Variants in DCC observed in about 807,000 individuals in gnomAD.
DCC encodes the protein netrin receptor DCC.
Under a neutral mutation model 172.5 loss-of-function variants are expected in DCC, and 58 were observed. That is an observed-to-expected ratio of 0.34 (90% CI 0.27 to 0.42). DCC has a LOEUF of 0.42. Ranked by LOEUF, DCC falls within the 10% of genes least tolerant of loss-of-function variation. DCC has a pLI of 1.00. For synonymous variants in DCC, 709 were observed against 644.5 expected (o/e 1.10, Z -1.52); for missense variants, 1,740 against 1,791.0 (o/e 0.97, Z 0.51).
chr18:53,226,948 AT>A (rs397976119), intron 12 of DCC, among the ~76,000 whole-genome samples: 7,302 of 52,928 alleles, frequency 0.14, 510 homozygotes, highest in East Asian at 0.18. Context: ...ATATATATAT[AT>A]TTTTTTTTTT....
intron 1 of DCC, among the ~76,000 whole-genome samples, chr18:52,410,881 G>A (rs3862684): frequency 0.15 from 22,470 of 152,090 alleles, 1,757 homozygotes; most frequent in South Asian, 0.23. Context: ...CCTTGGAGAA[G>A]GAATACAGTG....
chr18:53,530,354 T>A (rs1173243045), intron 28 of DCC: 15 of 703,208 alleles, frequency 2.1e-5, no homozygotes, highest in African/African-American at 8.7e-5. Context: ...CAGGTGGAGA[T>A]GGAGTGGGTG....
intron 18 of DCC, among the ~76,000 whole-genome samples, chr18:53,398,742 C>T (rs1362117919): frequency 1.3e-5 from 2 of 152,032 alleles, no homozygotes; most frequent in Admixed American, 6.6e-5. Context: ...TCTCATCAAC[C>T]GCCTAGCCTT....
intron 1 of DCC, among the ~76,000 whole-genome samples, chr18:52,421,751 C>A (rs2144436352): frequency 6.6e-6 from 1 of 152,244 alleles, no homozygotes; most frequent in East Asian, 1.9e-4. Flanking sequence ...TGCCAAGAAC[C>A]AGAGAGAGAG....
chr18:52,830,936 A>C (rs727515), intron 2 of DCC, among the ~76,000 whole-genome samples: 2 of 151,918 alleles, frequency 1.3e-5, no homozygotes, highest in Non-Finnish European at 2.9e-5. Flanking sequence ...GCAATAAACA[A>C]TTGATAGAGT....
chr18:52,637,435 G>A (rs1286405020), intron 1 of DCC, among the ~76,000 whole-genome samples: 2 of 151,874 alleles, frequency 1.3e-5, no homozygotes, highest in African/African-American at 2.4e-5. Flanking sequence ...AGTGAAGGGA[G>A]AAATATTCAA....
At chr18:53,439,285 G>A (rs576844093) in intron 22 of DCC, among the ~76,000 whole-genome samples, 1 of 152,206 alleles carries the variant, frequency 6.6e-6, no homozygotes, top group Non-Finnish European at 1.5e-5. Flanking sequence ...GCTTTAAAAG[G>A]GGGGTATGTT....
intron 1 of DCC, among the ~76,000 whole-genome samples, chr18:52,637,453 G>C (rs2034803449): frequency 6.6e-6 from 1 of 152,012 alleles, no homozygotes; most frequent in Non-Finnish European, 1.5e-5. Context: ...CAAGGAAATA[G>C]ATAGCCTAAA....
chr18:52,714,001 T>C (rs545886732), intron 1 of DCC, among the ~76,000 whole-genome samples: 2 of 152,366 alleles, frequency 1.3e-5, no homozygotes, highest in East Asian at 1.9e-4. Context: ...TGGGGACTTA[T>C]AGTCTATTTA....
intron 1 of DCC, among the ~76,000 whole-genome samples, chr18:52,475,838 C>G (rs1297312048): frequency 6.6e-6 from 1 of 152,060 alleles, no homozygotes; most frequent in African/African-American, 2.4e-5. Flanking sequence ...TTGCTATTAC[C>G]CCAGAAACTC....
intron 5 of DCC, among the ~76,000 whole-genome samples, chr18:52,939,995 A>G (rs11874287): frequency 0.021 from 3,214 of 152,250 alleles, 59 homozygotes; most frequent in Admixed American, 0.037. Context: ...GACATCATCC[A>G]TGAGCCTCTT....
At position 52,868,051 on chromosome 18, in the gene DCC, ATATGTGTG is replaced by A. The variant is rs1261306879; in HGVS notation, c.413-37991_413-37984del. ...TATGTGTGTATATATATATATATAT[ATATGTGTG>A]TGTGTGTGTGTGTGTGTGTATATAT... On this transcript the variant is annotated intron_variant, in intron 2 of 28. Transcript: ENST00000442544. Among the ~76,000 whole-genome samples, 224 of 98,856 alleles carry A rather than the reference ATATGTGTG, an allele frequency of 2.3e-3. 2 individuals are homozygous for A. Among genetic ancestry groups the A allele is most frequent in the Non-Finnish European group, 3.5e-3 (145 of 41,380 alleles). 64.9% of individuals were successfully genotyped at this position (98,856 alleles called of 152,430 possible).
intron 1 of DCC, among the ~76,000 whole-genome samples, chr18:52,585,559 A>C (rs1287004008): frequency 2.0e-5 from 3 of 152,200 alleles, no homozygotes; most frequent in African/African-American, 7.2e-5. Flanking sequence ...AGTCAGGAAA[A>C]GGTTGACCAA....
chr18:53,141,299 G>A (rs778386892), intron 7 of DCC, among the ~76,000 whole-genome samples: 1 of 152,062 alleles, frequency 6.6e-6, no homozygotes, highest in Non-Finnish European at 1.5e-5. Context: ...TGTATGAGTG[G>A]GTATCCTCCA....
intron 1 of DCC, among the ~76,000 whole-genome samples, chr18:52,395,929 C>T (rs1050209973): frequency 6.6e-6 from 1 of 152,018 alleles, no homozygotes; most frequent in Non-Finnish European, 1.5e-5. Flanking sequence ...GGTAAGATTT[C>T]TAAACCTTTC....
At chr18:53,226,171 T>C (rs988434523) in intron 12 of DCC, among the ~76,000 whole-genome samples, 6 of 152,004 alleles carry the variant, frequency 3.9e-5, no homozygotes, top group Admixed American at 1.3e-4. Flanking sequence ...ATGTTTCGGA[T>C]AGGGCCCAAT....
At chr18:53,378,506 C>T (rs1413600705) in intron 15 of DCC, among the ~76,000 whole-genome samples, 3 of 152,082 alleles carry the variant, frequency 2.0e-5, no homozygotes, top group Non-Finnish European at 2.9e-5. Flanking sequence ...TTCATTTTTT[C>T]ACACACCTAC....
At chr18:52,443,331 G>A (rs1988025946) in intron 1 of DCC, among the ~76,000 whole-genome samples, 1 of 152,154 alleles carries the variant, frequency 6.6e-6, no homozygotes. Context: ...AAGCTCTGCT[G>A]TATAGAAAGG....
At chr18:53,063,213 C>A (rs942563082) in intron 5 of DCC, 92 bp from the exon 6 acceptor site, 3 of 1,111,864 alleles carry the variant, frequency 2.7e-6, no homozygotes, top group Non-Finnish European at 2.8e-6. Context: ...TTTTCTATCC[C>A]AGAGCAGTGT....
Sources: allele counts gnomAD v4.1 joint callset (sites outside exome capture counted in the v4.1 genomes callset), GRCh38; gene constraint gnomAD v4.1.1; transcripts MANE v1.5; gene names NCBI Gene and HGNC (gene_info 2026-07-23, HGNC 2026-07-21).